The following TTC3 variants were observed in gnomAD, a reference collection of about 807,000 sequenced individuals.
The protein encoded by TTC3 is E3 ubiquitin-protein ligase TTC3.
A neutral mutation model predicts 249.6 loss-of-function variants in TTC3; 180 were observed. The observed-to-expected ratio is 0.72, with a 90% confidence interval of 0.64 to 0.82. The LOEUF is 0.82. TTC3 is among the 40% of genes least tolerant of loss of function. The pLI, the probability that TTC3 is intolerant of heterozygous loss-of-function variation, is 0.00. For synonymous variants in TTC3, 717 were observed against 805.0 expected, an observed-to-expected ratio of 0.89 and a Z score of 1.85; for missense variants, 2,061 against 2,398.4, an observed-to-expected ratio of 0.86 and a Z score of 2.94.
At chr21:37,148,682 A>G in intron 23 of TTC3, 35 bp downstream of exon 23, 15 of 1,432,462 alleles carry the variant, frequency 1.0e-5, no homozygotes, top group Non-Finnish European at 1.4e-5. Flanking sequence ...ATTTTTCAGT[A>G]TACTTATTGT....
At chr21:37,147,443 G>GT (rs2079076904) in intron 21 of TTC3, 38 bp from the exon 22 acceptor site, 2 of 1,559,788 alleles carry the variant, frequency 1.3e-6, no homozygotes, top group East Asian at 4.7e-5. Flanking sequence ...TGACAGATTA[G>GT]TATTGTAATG....
At chr21:37,127,172 AG>A (rs771227715) in intron 15 of TTC3, among the ~76,000 whole-genome samples, 24 of 152,240 alleles carry the variant, frequency 1.6e-4, no homozygotes, top group Admixed American at 5.2e-4. Context: ...TCTTCTTATA[AG>A]GGCACTAATC....
At chr21:37,141,414 C>CCCG (rs2078440501) in intron 20 of TTC3, among the ~76,000 whole-genome samples, 2 of 150,624 alleles carry the variant, frequency 1.3e-5, no homozygotes, top group Non-Finnish European at 3.0e-5. Flanking sequence ...TTGGGGAATC[C>CCCG]CCCCCCCAGC....
At chr21:37,159,884 A>C in intron 29 of TTC3, 139 bp downstream of exon 29, 1 of 591,832 alleles carries the variant, frequency 1.7e-6, no homozygotes, top group Non-Finnish European at 2.6e-6. Context: ...GGTAGTACGT[A>C]CTATTATTCA....
Position 37,165,533 on chromosome 21 carries a change from T to C in TTC3, c.3336-17T>C, listed in dbSNP as rs1427737609. On this transcript the variant is annotated splice_polypyrimidine_tract_variant and intron_variant, in intron 32 of 45. Transcript: ENST00000355666. ...ACTTCCTTATAGTAACTCATGTAAA[T>C]GTAAATTTTTTCCAAGTTACTTCTC... The C allele has an allele frequency of 6.4e-7, 1 of 1,565,782 alleles. No individual in the cohort carries two copies. The highest frequency in any genetic ancestry group is 1.4e-5 in the African/African-American group (1 of 72,608).
chr21:37,082,360 C>T (rs1050958592), intron 1 of TTC3: 3 of 377,126 alleles, frequency 8.0e-6, no homozygotes, highest in Non-Finnish European at 1.1e-5. Context: ...TCTGTTGTCT[C>T]TCCTCAATGT....
intron 1 of TTC3, among the ~76,000 whole-genome samples, chr21:37,081,119 T>C (rs2147619804): frequency 7.4e-6 from 1 of 134,460 alleles, no homozygotes; most frequent in Non-Finnish European, 1.6e-5. Flanking sequence ...CTTTTTTTTT[T>C]TTTTTTTTTT....
At chr21:37,187,100 G>T in exon 38 of TTC3, 1 of 1,573,996 alleles carries the variant, frequency 6.4e-7, no homozygotes, top group African/African-American at 1.4e-5. Flanking sequence ...TAAAGAAAGG[G>T]AAAGAGGATT....
intron 16 of TTC3, among the ~76,000 whole-genome samples, chr21:37,131,794 C>G (rs184055468): frequency 1.3e-5 from 2 of 152,106 alleles, no homozygotes; most frequent in African/African-American, 2.4e-5. Flanking sequence ...TGAATTGATA[C>G]GGAAAAATGA....
At chr21:37,159,026 A>T (rs2080410209) in intron 28 of TTC3, among the ~76,000 whole-genome samples, 1 of 152,102 alleles carries the variant, frequency 6.6e-6, no homozygotes, top group South Asian at 2.1e-4. Flanking sequence ...TTAACTATTC[A>T]ATTTGGGAAA....
intron 10 of TTC3, 62 bp from the exon 11 acceptor site, chr21:37,108,330 C>A: frequency 7.2e-7 from 1 of 1,379,608 alleles, no homozygotes; most frequent in Non-Finnish European, 1.0e-6. Context: ...TACACATATG[C>A]AAGATATAAT....
exon 35 of TTC3, chr21:37,172,625 C>G: frequency 6.2e-7 from 1 of 1,612,444 alleles, no homozygotes; most frequent in Non-Finnish European, 8.5e-7. Flanking sequence ...AAAGGAGCAC[C>G]AAGTATTACA....
intron 20 of TTC3, among the ~76,000 whole-genome samples, chr21:37,142,868 A>C (rs2147969822): frequency 1.3e-5 from 2 of 152,358 alleles, no homozygotes; most frequent in South Asian, 4.1e-4. Context: ...GCAGTAACCA[A>C]AACAGCATGT....
rs1443261562 is a variant in TTC3, at chr21:37,110,513, A to G, written c.900+2067A>G. Among the ~76,000 whole-genome samples, 5 of 152,328 alleles carry G rather than the reference A, an allele frequency of 3.3e-5. No individual in the cohort carries two copies. In the South Asian group the frequency reaches 6.2e-4, roughly 19 times the overall value. On this transcript the variant is annotated intron_variant, in intron 11 of 45. Coordinates refer to ENST00000355666, the Ensembl canonical transcript of TTC3. ...CATGAAGATAAGTTTAGAGAAAAAG[A>G]ATAAAAAGAAACAAACAAAGCCTCC...
At chr21:37,160,761 T>C (rs763281521) in intron 29 of TTC3, 41 bp from the exon 30 acceptor site, 11 of 1,598,078 alleles carry the variant, frequency 6.9e-6, no homozygotes, top group Admixed American at 1.7e-5. Context: ...TTCATAATGC[T>C]GTTATTTGAG....
intron 33 of TTC3, 140 bp downstream of exon 33, chr21:37,166,755 T>C (rs1282459368): frequency 5.1e-6 from 7 of 1,380,254 alleles, no homozygotes; most frequent in Non-Finnish European, 6.7e-6. Context: ...AAAATACTTT[T>C]AAAATATGAA....
At chr21:37,148,625 C>T (rs142611496) in exon 23 of TTC3, 33 of 1,598,140 alleles carry the variant, frequency 2.1e-5, no homozygotes, top group Non-Finnish European at 2.7e-5. Flanking sequence ...AAAACTACAA[C>T]CTTTAATGAT....
chr21:37,198,106 C>T (rs1356763026), intron 44 of TTC3, 81 bp downstream of exon 44: 3 of 1,439,558 alleles, frequency 2.1e-6, no homozygotes, highest in African/African-American at 2.9e-5. Context: ...TAGCCCCATT[C>T]ATTTCTAGAC....
rs879750802 is a variant in TTC3, at chr21:37,073,296, TGGCGGCGGC to T, written c.-67_-59del. On this transcript the variant is annotated 5_prime_UTR_variant, in exon 1 of 46. Coordinates refer to ENST00000355666, the Ensembl canonical transcript of TTC3. ...GTCGGCTGACGTGGAGGGCCGGAGG[TGGCGGCGGC>T]GGCGGCGGCGGCTGCTGCTGCTGCT... 2.9e-4 allele frequency: 74 copies of T among 253,798 alleles called. No homozygotes were observed. In the Admixed American group the frequency reaches 3.0e-3, roughly 10 times the overall value. The allele number at this position is 253,798 out of a possible 1,614,324, so 15.7% of individuals were successfully genotyped here. A position where few individuals can be genotyped will look rare whatever the true frequency, so the allele number is the denominator to read the frequency against.
Sources: allele counts gnomAD v4.1 joint callset (sites outside exome capture counted in the v4.1 genomes callset), GRCh38; gene constraint gnomAD v4.1.1; transcripts MANE v1.5; gene names NCBI Gene and HGNC (gene_info 2026-07-23, HGNC 2026-07-21).